The following UHRF1 variants were observed in gnomAD, a reference collection of about 807,000 sequenced individuals.
UHRF1 encodes ubiquitin like with PHD and ring finger domains 1, also known as E3 ubiquitin-protein ligase UHRF1.
UHRF1 carries 9 observed loss-of-function variants against 96.5 expected under a neutral mutation model. That is an observed-to-expected ratio of 0.09 (90% CI 0.06 to 0.16). The LOEUF (loss-of-function observed/expected upper bound fraction) is 0.16, where lower values mean the gene tolerates loss of function less well. Ranked by LOEUF, UHRF1 falls within the 10% of genes least tolerant of loss-of-function variation. The pLI is 1.00. For missense variants in UHRF1, 626 were observed against 1,131.1 expected, an observed-to-expected ratio of 0.55 and a Z score of 6.40; for synonymous variants, 455 against 469.9, an observed-to-expected ratio of 0.97 and a Z score of 0.41.
At chr19:4,925,103 G>C (rs111800674) in intron 2 of UHRF1, among the ~76,000 whole-genome samples, 6 of 151,960 alleles carry the variant, frequency 3.9e-5, no homozygotes. Context: ...TTGAGATGAC[G>C]GGCGTGAGCC....
chr19:4,924,708 C>T (rs753146484), intron 2 of UHRF1, among the ~76,000 whole-genome samples: 1 of 152,166 alleles, frequency 6.6e-6, no homozygotes, highest in African/African-American at 2.4e-5. Context: ...CCCCCACTGT[C>T]AGCCTCCCCC....
chr19:4,909,532 G>A lies in UHRF1; in HGVS notation c.-134G>A, dbSNP rs1367942614. ...GCTGGCAGCGCGGCGGGCAGCGTTT[G>A]CCGAGCGGGCGCTCCGGGTCGCACG... On this transcript the variant is annotated 5_prime_UTR_variant, in exon 1 of 17. Coordinates refer to ENST00000650932, the MANE Select transcript of UHRF1 (RefSeq NM_001048201.3). 1.5e-6 allele frequency: 1 copy of A among 659,308 alleles called. No homozygotes were observed. The highest frequency in any genetic ancestry group is 2.7e-6 in the Non-Finnish European group (1 of 365,772). 40.8% of individuals were successfully genotyped at this position (659,308 alleles called of 1,614,324 possible). A position where few individuals can be genotyped will look rare whatever the true frequency, so the allele number is the denominator to read the frequency against.
At chr19:4,948,911 C>T (rs2033642994) in intron 11 of UHRF1, among the ~76,000 whole-genome samples, 1 of 139,408 alleles carries the variant, frequency 7.2e-6, no homozygotes. Flanking sequence ...ATCACGATGT[C>T]AGGAGATCGA....
chr19:4,947,258 G>A (rs2033591970), intron 11 of UHRF1, 47 bp downstream of exon 11: 7 of 1,545,480 alleles, frequency 4.5e-6, no homozygotes, highest in African/African-American at 2.7e-5. Flanking sequence ...CATATCTGCC[G>A]AGTCTTGGTT....
chr19:4,916,098 G>T (rs2032488576), intron 2 of UHRF1, among the ~76,000 whole-genome samples: 1 of 151,910 alleles, frequency 6.6e-6, no homozygotes, highest in African/African-American at 2.4e-5. Context: ...GCTTGAGGTT[G>T]GGAGTTTGAG....
intron 2 of UHRF1, among the ~76,000 whole-genome samples, chr19:4,923,586 A>G (rs1044374117): frequency 4.6e-5 from 7 of 152,190 alleles, no homozygotes; most frequent in Non-Finnish European, 8.8e-5. Context: ...TCTGGCAGAT[A>G]TCGCTGCTGC....
At chr19:4,938,917 T>G (rs2033300792) in intron 5 of UHRF1, among the ~76,000 whole-genome samples, 1 of 150,646 alleles carries the variant, frequency 6.6e-6, no homozygotes, top group African/African-American at 2.4e-5. Context: ...CTAATTTTTT[T>G]TTTTGTTTTT....
chr19:4,941,677 G>A (rs1568424012), intron 6 of UHRF1, 49 bp downstream of exon 6: 9 of 1,580,536 alleles, frequency 5.7e-6, no homozygotes, highest in Non-Finnish European at 6.0e-6. Context: ...GGCACGGGGC[G>A]GGGGCTCTTG....
At position 4,930,828 on chromosome 19, in the gene UHRF1, C is replaced by T. The variant is rs2033027504; in HGVS notation, c.521C>T (p.Ser174Phe). ...PSRDEPCSST[S>F]RPALEEDVIY... Reference sequence around the variant, plus strand: ...CGGGACGAGCCCTGCAGCTCCACGTCCAGGCCGGCGCTGGAGGAGGACGTC... The same window carrying T: ...CGGGACGAGCCCTGCAGCTCCACGTTCAGGCCGGCGCTGGAGGAGGACGTC... Residue 174 changes from serine (S) to phenylalanine (F), a missense_variant, in exon 4 of 17, where the codon TCC becomes TTC. Physicochemically the swap from Ser to Phe is radical, Grantham distance 155 (BLOSUM62 -2). This residue lies in a region of UHRF1 where 198 missense variants were observed against 235.1 expected (regional missense o/e 0.84). Transcript: ENST00000650932. The surrounding 1 kb of genome is among the most constrained non-coding windows in gnomAD (Gnocchi z 4.4). The T allele has an allele frequency of 1.2e-6, 2 of 1,613,866 alleles. No homozygotes were observed. Among genetic ancestry groups the T allele is most frequent in the Non-Finnish European group, 1.7e-6 (2 of 1,179,892 alleles).
chr19:4,908,773 C>T (rs1048116900), upstream of UHRF1, among the ~76,000 whole-genome samples: 1 of 152,176 alleles, frequency 6.6e-6, no homozygotes, highest in Non-Finnish European at 1.5e-5. Context: ...TAGGAATTTT[C>T]CCTCCCTGAG....
chr19:4,938,867 C>T (rs991919972), intron 5 of UHRF1, among the ~76,000 whole-genome samples: 1 of 150,920 alleles, frequency 6.6e-6, no homozygotes, highest in Admixed American at 6.7e-5. Flanking sequence ...CCTCAGCCTC[C>T]CACGTAGCTG....
intron 15 of UHRF1, 145 bp from the exon 16 acceptor site, chr19:4,956,564 A>G (rs1042294273): frequency 1.1e-5 from 7 of 644,948 alleles, no homozygotes; most frequent in African/African-American, 3.6e-5. Context: ...TTTTCTCAGA[A>G]CGGGGACGAT....
intron 16 of UHRF1, among the ~76,000 whole-genome samples, chr19:4,960,116 G>A (rs545360535): frequency 3.9e-5 from 6 of 152,280 alleles, no homozygotes; most frequent in South Asian, 4.1e-4. Context: ...GCCTCCCAGA[G>A]TGCTGGGATT....
chr19:4,911,011 G>A lies in UHRF1; in HGVS notation c.126G>A (p.Leu42=). 1 of 1,609,684 alleles carries A rather than the reference G, an allele frequency of 6.2e-7. No homozygotes were observed. The highest frequency in any genetic ancestry group is 8.5e-7 in the Non-Finnish European group (1 of 1,177,474). ...AGCTGTTCCACGTGGAGCCAGGCCT[G>A]CAGAGGCTGTTCTACAGGGGCAAAC... is the stretch of plus-strand genomic sequence containing the variant. ...IQELFHVEPG[L]QRLFYRGKQM... is the part of the protein sequence containing the mutation. The change falls in exon 2 of 17, where the codon CTG becomes CTA. Residue 42 remains leucine (L), a synonymous_variant. Coordinates refer to ENST00000650932, the MANE Select transcript of UHRF1 (RefSeq NM_001048201.3).
At chr19:4,950,279 T>G (rs1450168257) in intron 11 of UHRF1, among the ~76,000 whole-genome samples, 14 of 151,542 alleles carry the variant, frequency 9.2e-5, no homozygotes, top group Non-Finnish European at 1.9e-4. Flanking sequence ...AACCTCACTC[T>G]GTCACCCAGG....
intron 7 of UHRF1, among the ~76,000 whole-genome samples, chr19:4,943,155 G>A (rs1256636071): frequency 2.6e-5 from 4 of 152,042 alleles, no homozygotes; most frequent in African/African-American, 7.2e-5. Context: ...TAGGAGAATC[G>A]CTTGAACCTG....
rs1280576358 is a variant in UHRF1, at chr19:4,956,903, G to A, written c.2235+90G>A. ...CCACATGCCTGCCACTACAGACAGAGGCTTGTTGGCTTTGCTCCGCTCACT... is the reference window on the plus strand; with the variant it reads ...CCACATGCCTGCCACTACAGACAGAAGCTTGTTGGCTTTGCTCCGCTCACT... On this transcript the variant is annotated intron_variant, in intron 16 of 16. Coordinates refer to ENST00000650932, the MANE Select transcript of UHRF1 (RefSeq NM_001048201.3). 7.6e-6 allele frequency: 7 copies of A among 921,304 alleles called. No individual in the cohort carries two copies. In the African/African-American group the frequency reaches 1.1e-4, roughly 15 times the overall value. The allele number at this position is 921,304 out of a possible 1,614,324, so 57.1% of individuals were successfully genotyped here.
intron 5 of UHRF1, among the ~76,000 whole-genome samples, chr19:4,933,536 T>A (rs1366787223): frequency 6.6e-6 from 1 of 152,172 alleles, no homozygotes; most frequent in Non-Finnish European, 1.5e-5. Flanking sequence ...TTTTCTCTCT[T>A]GTTTGTTTCA....
rs191284665 is a variant in UHRF1, at chr19:4,956,595, G to A, written c.2131-114G>A. On this transcript the variant is annotated intron_variant, in intron 15 of 16. Transcript: ENST00000650932. Reference sequence around the variant, plus strand: ...ACGATCATGGCCCCCGCCTCCTGGAGTGAAGGCTGGGGACAGAATTAGAGG... The same window carrying A: ...ACGATCATGGCCCCCGCCTCCTGGAATGAAGGCTGGGGACAGAATTAGAGG... 50 of 711,414 alleles carry A rather than the reference G, an allele frequency of 7.0e-5. 1 individual carries two copies. In the East Asian group the frequency reaches 1.4e-3, roughly 19 times the overall value. The allele number at this position is 711,414 out of a possible 1,614,324, so 44.1% of individuals were successfully genotyped here.
Sources: allele counts gnomAD v4.1 joint callset (sites outside exome capture counted in the v4.1 genomes callset), GRCh38; gene constraint gnomAD v4.1.1; regional missense constraint gnomAD v4.1.1; non-coding constraint Gnocchi (gnomAD v3.1); transcripts MANE v1.5; gene names NCBI Gene and HGNC (gene_info 2026-07-23, HGNC 2026-07-21).